Variants in SNAP91 observed in about 807,000 individuals in gnomAD.
SNAP91 encodes the protein clathrin coat assembly protein AP180.
A neutral mutation model predicts 100.3 loss-of-function variants in SNAP91; 27 were observed. The observed-to-expected ratio is 0.27, with a 90% CI of 0.20 to 0.37. The LOEUF (loss-of-function observed/expected upper bound fraction) is 0.37, where lower values mean the gene tolerates loss of function less well. Ranked by LOEUF, SNAP91 falls within the 10% of genes least tolerant of loss-of-function variation. The probability of loss-of-function intolerance (pLI) is 1.00; values close to 1 mark genes in which losing one functional copy is unlikely to be tolerated. For missense variants in SNAP91, 986 were observed against 1,123.7 expected, an observed-to-expected ratio of 0.88 and a Z score of 1.75; for synonymous variants, 404 against 398.6, an observed-to-expected ratio of 1.01 and a Z score of -0.16.
chr6:83,698,892 C>T (rs902565232), intron 2 of SNAP91, among the ~76,000 whole-genome samples: 1 of 152,146 alleles, frequency 6.6e-6, no homozygotes, highest in Non-Finnish European at 1.5e-5. Flanking sequence ...ACATATGACT[C>T]ATCATGATAG....
intron 7 of SNAP91, among the ~76,000 whole-genome samples, chr6:83,646,430 T>G (rs1353303636): frequency 6.6e-6 from 1 of 152,216 alleles, no homozygotes; most frequent in Non-Finnish European, 1.5e-5. Context: ...CCAGATTAAT[T>G]TTTTTGGTGT....
At chr6:83,690,909 T>C (rs751902619) in intron 2 of SNAP91, among the ~76,000 whole-genome samples, 15 of 152,050 alleles carry the variant, frequency 9.9e-5, no homozygotes, top group Non-Finnish European at 1.8e-4. Context: ...GTATACATAA[T>C]CACACTATGA....
At position 83,607,770 on chromosome 6, in the gene SNAP91, T is replaced by C; in HGVS notation, c.951A>G (p.Thr317=). 1 of 1,594,300 alleles carries C rather than the reference T, an allele frequency of 6.3e-7. No homozygotes were observed. The highest frequency in any genetic ancestry group is 8.5e-7 in the Non-Finnish European group (1 of 1,170,138). The change falls in exon 13 of 30, where the codon ACA becomes ACG. Residue 317 remains threonine, a synonymous_variant. Transcript: ENST00000369694. ...GGGATGTGTCAATAGTTTTAGCTGG[T>C]GTAGAATTAGGAGACGTAACAGTTG... is the stretch of plus-strand genomic sequence containing the variant. The part of the protein sequence containing the change: ...PATTVTSPNS[T]PAKTIDTSPP...
intron 6 of SNAP91, 98 bp from the exon 7 acceptor site, chr6:83,656,963 A>G: frequency 1.7e-6 from 1 of 599,030 alleles, no homozygotes; most frequent in Non-Finnish European, 2.9e-6. Flanking sequence ...TAAGAAATTC[A>G]TGAATATTCT....
intron 9 of SNAP91, among the ~76,000 whole-genome samples, chr6:83,617,735 G>A (rs2096557958): frequency 6.6e-6 from 1 of 151,566 alleles, no homozygotes; most frequent in Admixed American, 6.6e-5. Context: ...AATATTTTAG[G>A]CAATATAAAG....
chr6:83,582,066 TAA>T (rs111938238), intron 23 of SNAP91, among the ~76,000 whole-genome samples, 154 bp downstream of exon 23: 6,562 of 152,306 alleles, frequency 0.043, 462 homozygotes, highest in African/African-American at 0.15. Flanking sequence ...AATTTTAATT[TAA>T]GTTACTAAAT....
At chr6:83,570,237 T>C (rs1291442380) in intron 26 of SNAP91, among the ~76,000 whole-genome samples, 2 of 152,104 alleles carry the variant, frequency 1.3e-5, no homozygotes, top group Non-Finnish European at 2.9e-5. Context: ...ACTTTGAACT[T>C]GAGAATGATG....
chr6:83,560,745 T>C, intron 27 of SNAP91, 119 bp downstream of exon 27: 1 of 834,874 alleles, frequency 1.2e-6, no homozygotes, highest in Non-Finnish European at 2.0e-6. Flanking sequence ...GACAACTTTT[T>C]AAGTTTTACT....
intron 22 of SNAP91, among the ~76,000 whole-genome samples, chr6:83,587,494 T>A (rs991881962): frequency 2.4e-4 from 36 of 152,176 alleles, no homozygotes; most frequent in African/African-American, 8.0e-4. Flanking sequence ...GCTCATTTAT[T>A]TATTTTTTTT....
In SNAP91 at chr6:83,605,733, C is replaced by G. The variant is rs369146791; in HGVS notation, c.1093G>C (p.Ala365Pro). 2 of 1,552,652 alleles carry G rather than the reference C, an allele frequency of 1.3e-6. No homozygotes were observed. Among genetic ancestry groups the G allele is most frequent in the Non-Finnish European group, 1.7e-6 (2 of 1,147,658 alleles). Residue 365 changes from alanine to proline, a missense_variant, in exon 14 of 30, where the codon GCA becomes CCA. Physicochemically the swap from Ala to Pro is conservative, Grantham distance 27. Coordinates refer to ENST00000369694, the MANE Select transcript of SNAP91 (RefSeq NM_001242792.2). ...GCAGGTGGTGGTGGTGCTGGTGCTGCGGCTGCTGCTGCCCCTCCAGAGGAA... is the reference window on the plus strand; with the variant it reads ...GCAGGTGGTGGTGGTGCTGGTGCTGGGGCTGCTGCTGCCCCTCCAGAGGAA... ...DFSSGGAAAA[A>P]APAPPPPAGG...
At chr6:83,555,898 A>G (rs1478606899) in intron 29 of SNAP91, among the ~76,000 whole-genome samples, 1 of 152,148 alleles carries the variant, frequency 6.6e-6, no homozygotes, top group Admixed American at 6.6e-5. Flanking sequence ...GCTTTATTAA[A>G]GCTAATCGTT....
At chr6:83,707,764 T>G in intron 2 of SNAP91, 34 bp downstream of exon 2, 1 of 1,610,256 alleles carries the variant, frequency 6.2e-7, no homozygotes. Context: ...GCCTCTGCCG[T>G]GCGCATGTCC....
intron 2 of SNAP91, among the ~76,000 whole-genome samples, chr6:83,705,447 T>C (rs996015881): frequency 1.3e-5 from 2 of 152,152 alleles, no homozygotes; most frequent in African/African-American, 4.8e-5. Context: ...TCATTTTCTC[T>C]CCTCTCTCAA....
chr6:83,691,243 C>T (rs1350621582), intron 2 of SNAP91, among the ~76,000 whole-genome samples: 1 of 152,068 alleles, frequency 6.6e-6, no homozygotes, highest in Non-Finnish European at 1.5e-5. Flanking sequence ...ACATAGCTTA[C>T]TGTTAGCTAT....
chr6:83,664,343 T>C (rs1282343674), intron 3 of SNAP91, among the ~76,000 whole-genome samples: 3 of 152,236 alleles, frequency 2.0e-5, no homozygotes, highest in East Asian at 3.9e-4. Context: ...GCAAAGTAAA[T>C]TGAAAACCTT....
intron 14 of SNAP91, among the ~76,000 whole-genome samples, chr6:83,603,311 C>T (rs769562563): frequency 2.6e-5 from 4 of 152,122 alleles, no homozygotes; most frequent in Non-Finnish European, 5.9e-5. Flanking sequence ...ATTAGCTTAC[C>T]TATTGGGACA....
intron 19 of SNAP91, 40 bp from the exon 20 acceptor site, chr6:83,593,057 G>A: frequency 6.5e-7 from 1 of 1,545,940 alleles, no homozygotes; most frequent in Non-Finnish European, 8.8e-7. Flanking sequence ...GCAGAGGTAA[G>A]TAGTAGAAAG....
At chr6:83,661,075 TG>T (rs1401839087) in intron 5 of SNAP91, among the ~76,000 whole-genome samples, 9 of 152,316 alleles carry the variant, frequency 5.9e-5, no homozygotes, top group African/African-American at 2.2e-4. Flanking sequence ...CCCAAAGTAC[TG>T]GGATTACAGG....
chr6:83,600,032 T>C (rs2094980567), intron 16 of SNAP91, among the ~76,000 whole-genome samples: 1 of 152,136 alleles, frequency 6.6e-6, no homozygotes, highest in South Asian at 2.1e-4. Flanking sequence ...CAATTCTCCA[T>C]CTTGGCCTCC....
Sources: allele counts gnomAD v4.1 joint callset (sites outside exome capture counted in the v4.1 genomes callset), GRCh38; gene constraint gnomAD v4.1.1; transcripts MANE v1.5; gene names NCBI Gene and HGNC (gene_info 2026-07-23, HGNC 2026-07-21).